ERG: variants seen among roughly 807,000 people sequenced by gnomAD.
ERG encodes ETS transcription factor ERG.
In ERG, 9 loss-of-function variants were observed where a neutral mutation model predicts 55.3. That is an observed-to-expected ratio of 0.16 (90% CI 0.10 to 0.28). The LOEUF is 0.28. Ranked by LOEUF, ERG falls within the 10% of genes least tolerant of loss-of-function variation. The probability of loss-of-function intolerance (pLI) is 1.00; values close to 1 mark genes in which losing one functional copy is unlikely to be tolerated. For missense variants in ERG, 434 were observed against 631.6 expected (o/e 0.69, Z 3.35); for synonymous variants, 223 against 237.3 (o/e 0.94, Z 0.55).
At chr21:38,642,351 A>G (rs1001052812) in intron 1 of ERG, among the ~76,000 whole-genome samples, 2 of 152,254 alleles carry the variant, frequency 1.3e-5, no homozygotes, top group Non-Finnish European at 2.9e-5. Context: ...CTGTATGCTC[A>G]CGGTAAACAA....
chr21:38,545,560 A>T (rs190165361), intron 2 of ERG, among the ~76,000 whole-genome samples: 23 of 152,298 alleles, frequency 1.5e-4, no homozygotes, highest in Admixed American at 1.2e-3. Flanking sequence ...TAAAATAAAT[A>T]ATCCAAAACA....
intron 6 of ERG, chr21:38,400,194 C>T (rs1057325695): frequency 2.3e-6 from 1 of 429,168 alleles, no homozygotes; most frequent in African/African-American, 2.0e-5. Context: ...CTTCTTGTGA[C>T]ATACTGATAA....
rs958059131 is a variant in ERG at position 38,381,033 on chromosome 21, G to C, written c.*2370C>G. On this transcript the variant is annotated 3_prime_UTR_variant, in exon 10 of 10. Transcript: ENST00000288319. ...TTCCCTAAGGAGATACGGGCACTTT[G>C]TGGGCCTTCCCAGGCTGCTGCAAAA... 14 of 1,064,406 alleles carry C rather than the reference G, an allele frequency of 1.3e-5. No individual in the cohort carries two copies. In the African/African-American group the frequency reaches 2.3e-4, roughly 17 times the overall value. 65.9% of individuals were successfully genotyped at this position (1,064,406 alleles called of 1,614,324 possible).
At chr21:38,606,177 T>C (rs188457594) in intron 1 of ERG, among the ~76,000 whole-genome samples, 1 of 152,138 alleles carries the variant, frequency 6.6e-6, no homozygotes, top group East Asian at 1.9e-4. Flanking sequence ...GTAAGTAGAC[T>C]GATGACTGAT....
chr21:38,460,665 A>T lies in ERG; in HGVS notation c.19-15044T>A, dbSNP rs1433013908. On this transcript the variant is annotated intron_variant, in intron 1 of 9. Coordinates refer to ENST00000288319, the MANE Select transcript of ERG (RefSeq NM_182918.4). This position sits in a 1 kb window ranked among gnomAD's most constrained non-coding sequence, Gnocchi z 5.0. Reference sequence around the variant, plus strand: ...AAAGGCTTTGACTCACACAGGAAATACCTCACTGAGGCTCCCACCCACCCA... The same window carrying T: ...AAAGGCTTTGACTCACACAGGAAATTCCTCACTGAGGCTCCCACCCACCCA... Among the ~76,000 whole-genome samples the T allele has an allele frequency of 6.6e-6, 1 of 152,180 alleles. No homozygotes were observed. The highest frequency in any genetic ancestry group is 2.4e-5 in the African/African-American group (1 of 41,440).
At chr21:38,515,501 G>A (rs994287788) in intron 2 of ERG, among the ~76,000 whole-genome samples, 1 of 151,762 alleles carries the variant, frequency 6.6e-6, no homozygotes, top group Admixed American at 6.6e-5. Context: ...TTAGAAAGAA[G>A]AACTAATACC....
In ERG at chr21:38,429,520, T is replaced by C. The variant is rs141227971; in HGVS notation, c.237-5959A>G. ...ACATATATACATATGTGTATATACA[T>C]GTATGCACATGTACATATATACATA... On this transcript the variant is annotated intron_variant, in intron 2 of 9. Transcript: ENST00000288319. Among the ~76,000 whole-genome samples the C allele has an allele frequency of 7.9e-4, 92 of 116,626 alleles. 35 individuals carry two copies. The highest frequency in any genetic ancestry group is 6.9e-3 in the Admixed American group (73 of 10,556). 76.5% of individuals were successfully genotyped at this position (116,626 alleles called of 152,430 possible). A position where few individuals can be genotyped will look rare whatever the true frequency, so the allele number is the denominator to read the frequency against.
At chr21:38,523,057 A>G (rs1311472506) in intron 2 of ERG, among the ~76,000 whole-genome samples, 4 of 152,210 alleles carry the variant, frequency 2.6e-5, no homozygotes, top group Non-Finnish European at 5.9e-5. Context: ...GGTTTCTCAA[A>G]GGAGGCATTG....
Position 38,400,649 on chromosome 21 carries a change from C to T in ERG, c.674-4G>A. On this transcript the variant is annotated splice_region_variant and splice_polypyrimidine_tract_variant and intron_variant, in intron 5 of 9. Coordinates refer to ENST00000288319, the MANE Select transcript of ERG (RefSeq NM_182918.4). ...GGGAAAATAAAAGCTGCACCCCCTG[C>T]AGACAAAAGGAAAGACAAACATGTG... The T allele has an allele frequency of 6.3e-7, 1 of 1,598,710 alleles. No homozygotes were observed. The highest frequency in any genetic ancestry group is 8.6e-7 in the Non-Finnish European group (1 of 1,168,110).
chr21:38,604,084 T>C (rs2060181405), intron 1 of ERG, among the ~76,000 whole-genome samples: 1 of 136,358 alleles, frequency 7.3e-6, no homozygotes, highest in Admixed American at 7.0e-5. Context: ...CCGTCTCTAC[T>C]AAAAATAAAA....
chr21:38,551,882 C>T (rs1161508598), intron 2 of ERG, among the ~76,000 whole-genome samples: 1 of 152,022 alleles, frequency 6.6e-6, no homozygotes, highest in East Asian at 1.9e-4. Context: ...AAGTTTAGGT[C>T]TCAAATATGT....
chr21:38,639,951 G>A (rs180689457), intron 1 of ERG, among the ~76,000 whole-genome samples: 133 of 152,174 alleles, frequency 8.7e-4, no homozygotes, highest in African/African-American at 3.1e-3. Flanking sequence ...GGAAACAGCC[G>A]GTTCCATCTG....
chr21:38,584,255 G>A (rs1039265640), intron 1 of ERG, among the ~76,000 whole-genome samples: 1 of 152,190 alleles, frequency 6.6e-6, no homozygotes, highest in Non-Finnish European at 1.5e-5. Flanking sequence ...GGGAGCCCTA[G>A]CATTCCAGCT....
At chr21:38,562,277 T>G (rs16996489) in intron 2 of ERG, among the ~76,000 whole-genome samples, 1,632 of 152,292 alleles carry the variant, frequency 0.011, 27 homozygotes, top group African/African-American at 0.037. Context: ...AAATAATACT[T>G]TTTCTTTCTG....
At chr21:38,476,928 T>A (rs2059193402) in intron 1 of ERG, among the ~76,000 whole-genome samples, 1 of 152,100 alleles carries the variant, frequency 6.6e-6, no homozygotes, top group African/African-American at 2.4e-5. Context: ...TGGACATAGT[T>A]GCTTTCATGC....
At chr21:38,581,408 C>T (rs897876994) in intron 1 of ERG, among the ~76,000 whole-genome samples, 3 of 152,206 alleles carry the variant, frequency 2.0e-5, no homozygotes, top group African/African-American at 4.8e-5. Flanking sequence ...CCTTGTCTCT[C>T]GTTTCTGGCA....
chr21:38,434,636 A>G (rs1990371510), intron 2 of ERG, among the ~76,000 whole-genome samples: 1 of 152,212 alleles, frequency 6.6e-6, no homozygotes, highest in African/African-American at 2.4e-5. Flanking sequence ...GCAGTCAGAA[A>G]ACCATTGCTG....
chr21:38,610,704 A>G (rs2060221841), intron 1 of ERG, among the ~76,000 whole-genome samples: 1 of 152,214 alleles, frequency 6.6e-6, no homozygotes, highest in Non-Finnish European at 1.5e-5. Context: ...AAGGAAACCT[A>G]CGGAGTAATA....
At chr21:38,601,903 A>G (rs1349443046) in intron 1 of ERG, among the ~76,000 whole-genome samples, 1 of 152,044 alleles carries the variant, frequency 6.6e-6, no homozygotes, top group African/African-American at 2.4e-5. Context: ...TTATTTTGAG[A>G]TGGTGTCTCC....
Sources: gnomAD v4.1 joint callset for allele counts (sites outside exome capture counted in the v4.1 genomes callset) on GRCh38, gnomAD v4.1.1 for gene constraint, Gnocchi (gnomAD v3.1) non-coding constraint, MANE v1.5 for transcripts, NCBI Gene and HGNC (gene_info 2026-07-23, HGNC 2026-07-21) for gene names.